Variants in CD6 observed in about 807,000 individuals in gnomAD.
The protein encoded by CD6 is T-cell differentiation antigen CD6.
CD6 carries 53 observed loss-of-function variants against 75.3 expected under a neutral mutation model. That is an observed-to-expected ratio of 0.70 (90% CI 0.56 to 0.88). The LOEUF (loss-of-function observed/expected upper bound fraction) is 0.88. Among genes scored for constraint, CD6 ranks in the 40% least tolerant of loss-of-function variants. The pLI, the probability that CD6 is intolerant of heterozygous loss-of-function variation, is 0.00. For missense variants in CD6, 770 were observed against 897.1 expected (o/e 0.86, Z 1.81); for synonymous variants, 359 against 381.5 (o/e 0.94, Z 0.69).
intron 1 of CD6, among the ~76,000 whole-genome samples, chr11:60,984,708 G>C (rs775964076): frequency 6.6e-6 from 1 of 152,198 alleles, no homozygotes; most frequent in African/African-American, 2.4e-5. Flanking sequence ...GACTGAGAGC[G>C]GTTGCACTGG....
In CD6 at chr11:61,019,893, G is replaced by A; in HGVS notation, c.*575G>A. The stretch of plus-strand genomic sequence containing the variant: ...CGGGCGGTAACTGCACTTGGGCAGG[G>A]AATATAGCCTTCCTGGGCACAACTA... On this transcript the variant is annotated 3_prime_UTR_variant, in exon 13 of 13. Transcript: ENST00000313421. The A allele has an allele frequency of 2.8e-6, 1 of 362,212 alleles. No individual in the cohort carries two copies. Among genetic ancestry groups the A allele is most frequent in the Non-Finnish European group, 4.9e-6 (1 of 203,658 alleles). The allele number at this position is 362,212 out of a possible 1,614,324, so 22.4% of individuals were successfully genotyped here.
rs748586444 is a variant in CD6 at position 61,006,664 on chromosome 11, G to A, written c.118+22G>A. On this transcript the variant is annotated intron_variant, in intron 2 of 12. Coordinates refer to ENST00000313421, the MANE Select transcript of CD6 (RefSeq NM_006725.5). ...CCAGGTGAGCAAACATTCCCTCTGG[G>A]GGTCCATGATCAGCTTTCTGTAGGT... 3.8e-6 allele frequency: 6 copies of A among 1,590,496 alleles called. No homozygotes were observed. The South Asian group carries it at 6.9e-5, about 18-fold the overall frequency.
At chr11:61,011,504 C>T (rs560682567) in intron 6 of CD6, among the ~76,000 whole-genome samples, 2 of 152,232 alleles carry the variant, frequency 1.3e-5, no homozygotes, top group East Asian at 1.9e-4. Context: ...AGCTGGGTAG[C>T]GGGAATGCCA....
intron 1 of CD6, among the ~76,000 whole-genome samples, chr11:61,005,093 C>T (rs1218550680): frequency 2.0e-5 from 3 of 152,238 alleles, no homozygotes; most frequent in African/African-American, 7.2e-5. Context: ...AATCCGGGCT[C>T]TGCAGCTTGC....
At chr11:60,982,907 T>TA (rs1857633964) in intron 1 of CD6, 1 of 373,700 alleles carries the variant, frequency 2.7e-6, no homozygotes, top group Non-Finnish European at 5.3e-6. Flanking sequence ...GGCACAGGCT[T>TA]AACTAACTCC....
chr11:61,001,537 T>A (rs1005640666), intron 1 of CD6, among the ~76,000 whole-genome samples: 1 of 152,228 alleles, frequency 6.6e-6, no homozygotes, highest in Non-Finnish European at 1.5e-5. Flanking sequence ...CATGGCTTTA[T>A]TTTTAGTATG....
intron 1 of CD6, among the ~76,000 whole-genome samples, chr11:61,005,364 G>A (rs533663838): frequency 2.0e-5 from 3 of 152,130 alleles, no homozygotes; most frequent in Non-Finnish European, 2.9e-5. Context: ...GACCTCACAG[G>A]GGGGGCCAGA....
At chr11:61,006,699 G>A (rs1858876812) in intron 2 of CD6, 57 bp downstream of exon 2, 1 of 1,418,622 alleles carries the variant, frequency 7.0e-7, no homozygotes, top group Non-Finnish European at 9.8e-7. Flanking sequence ...TGGTCCCCCA[G>A]GGTAATAAAG....
chr11:61,017,423 C>A, intron 9 of CD6, 56 bp from the exon 10 acceptor site: 2 of 1,377,656 alleles, frequency 1.5e-6, no homozygotes, highest in Non-Finnish European at 2.0e-6. Context: ...CTTCTCCAGG[C>A]TCCTAAATGA....
chr11:61,018,565 A>C, intron 12 of CD6, 172 bp downstream of exon 12: 1 of 600,062 alleles, frequency 1.7e-6, no homozygotes. Context: ...ATGGTAGCTC[A>C]AGCCTGTAAT....
intron 7 of CD6, 57 bp from the exon 8 acceptor site, chr11:61,013,862 G>A (rs1565160703): frequency 2.4e-6 from 3 of 1,247,724 alleles, no homozygotes; most frequent in Non-Finnish European, 3.4e-6. Flanking sequence ...ACGGAACCAG[G>A]TAGACTGGGA....
At chr11:60,975,485 A>G (rs186358219) in intron 1 of CD6, among the ~76,000 whole-genome samples, 4 of 152,340 alleles carry the variant, frequency 2.6e-5, no homozygotes. Context: ...TTAAGTTTAC[A>G]TATTCCTTTT....
intron 1 of CD6, among the ~76,000 whole-genome samples, chr11:60,990,476 G>A (rs910373791): frequency 6.6e-6 from 1 of 151,940 alleles, no homozygotes; most frequent in African/African-American, 2.4e-5. Flanking sequence ...CACTTGCCTC[G>A]GCCTTCCAAA....
chr11:61,019,402 C>T lies in CD6; in HGVS notation c.*84C>T, dbSNP rs1859573335. 9.5e-7 allele frequency: 1 copy of T among 1,050,940 alleles called. No individual in the cohort carries two copies. Among genetic ancestry groups the T allele is most frequent in the East Asian group, 2.5e-5 (1 of 39,696 alleles). The allele number at this position is 1,050,940 out of a possible 1,614,324, so 65.1% of individuals were successfully genotyped here. Reference sequence around the variant, plus strand: ...ACTCCCTTTCCCCTTTCCCACCCTCCCAGCTCACCTCCCCATGGAGCTGAG... The same window carrying T: ...ACTCCCTTTCCCCTTTCCCACCCTCTCAGCTCACCTCCCCATGGAGCTGAG... On this transcript the variant is annotated 3_prime_UTR_variant, in exon 13 of 13. Coordinates refer to ENST00000313421, the MANE Select transcript of CD6 (RefSeq NM_006725.5).
Position 60,971,680 on chromosome 11 carries a change from A to C in CD6, c.-186A>C. On this transcript the variant is annotated 5_prime_UTR_variant, in exon 1 of 13. Coordinates refer to ENST00000313421, the MANE Select transcript of CD6 (RefSeq NM_006725.5). The stretch of plus-strand genomic sequence containing the variant: ...CAAGCAGAACAAGCAGGCGTGAGAC[A>C]CTCACAGGTTGGGTTTGATCGCATG... 1.6e-6 allele frequency: 1 copy of C among 608,896 alleles called. No individual in the cohort carries two copies. The highest frequency in any genetic ancestry group is 2.9e-6 in the Non-Finnish European group (1 of 341,016). The allele number at this position is 608,896 out of a possible 1,614,324, so 37.7% of individuals were successfully genotyped here. A position where few individuals can be genotyped will look rare whatever the true frequency, so the allele number is the denominator to read the frequency against.
chr11:60,979,933 G>A (rs1287359542), intron 1 of CD6, among the ~76,000 whole-genome samples: 1 of 152,204 alleles, frequency 6.6e-6, no homozygotes, highest in Non-Finnish European at 1.5e-5. Flanking sequence ...ACAATCCAGT[G>A]ACAGCTGCAA....
intron 9 of CD6, 134 bp downstream of exon 9, chr11:61,015,969 G>A: frequency 8.7e-7 from 1 of 1,147,994 alleles, no homozygotes; most frequent in Non-Finnish European, 1.2e-6. Context: ...TTACCCACTG[G>A]ATTGACTGTA....
At chr11:61,009,455 A>C (rs1187588771) in intron 4 of CD6, 117 bp from the exon 5 acceptor site, 1 of 909,056 alleles carries the variant, frequency 1.1e-6, no homozygotes, top group Non-Finnish European at 1.6e-6. Context: ...GAGGGAGAAG[A>C]CACAAGATCT....
intron 1 of CD6, among the ~76,000 whole-genome samples, chr11:60,985,839 A>G (rs1305359379): frequency 3.9e-5 from 6 of 152,266 alleles, no homozygotes; most frequent in Non-Finnish European, 8.8e-5. Flanking sequence ...AAGACTAAGT[A>G]GCAGCACAAT....
Sources: gnomAD v4.1 joint callset for allele counts (sites outside exome capture counted in the v4.1 genomes callset) on GRCh38, gnomAD v4.1.1 for gene constraint, MANE v1.5 for transcripts, NCBI Gene and HGNC (gene_info 2026-07-23, HGNC 2026-07-21) for gene names.